The following EMCN variants were observed in gnomAD, a reference collection of about 807,000 sequenced individuals.
EMCN encodes the protein endomucin, also known as MUC-14.
Under a neutral mutation model 38.4 loss-of-function variants are expected in EMCN, and 37 were observed. The ratio of observed to expected loss-of-function variants is 0.96; its 90% CI spans 0.74 to 1.27. The LOEUF (loss-of-function observed/expected upper bound fraction) is 1.27. EMCN is among the 50% of genes most tolerant of loss of function. The probability of loss-of-function intolerance (pLI) is 0.00; values close to 1 mark genes in which losing one functional copy is unlikely to be tolerated. For synonymous variants in EMCN, 95 were observed against 100.8 expected (o/e 0.94, Z 0.35); for missense variants, 318 against 302.8 (o/e 1.05, Z -0.37).
intron 5 of EMCN, among the ~76,000 whole-genome samples, chr4:100,426,335 G>T (rs1271074921): frequency 6.6e-6 from 1 of 152,110 alleles, no homozygotes; most frequent in Non-Finnish European, 1.5e-5. Context: ...GAATATTAAG[G>T]CCGGCTTGTC....
intron 3 of EMCN, among the ~76,000 whole-genome samples, chr4:100,469,105 A>G (rs2110267616): frequency 6.6e-6 from 1 of 152,266 alleles, no homozygotes; most frequent in South Asian, 2.1e-4. Flanking sequence ...TTAATTTTCA[A>G]CAAGGGCACC....
In EMCN at chr4:100,395,827, C is replaced by A. The variant is rs970830669; in HGVS notation, c.*2586G>T. Reference sequence around the variant, plus strand: ...TTCTCTGCTGGCTGAGCCTGTATGTCAGCCAACAACATCCACTTAGTCTCA... The same window carrying A: ...TTCTCTGCTGGCTGAGCCTGTATGTAAGCCAACAACATCCACTTAGTCTCA... On this transcript the variant is annotated 3_prime_UTR_variant, in exon 12 of 12. Transcript: ENST00000296420. 1 of 152,182 alleles carries A rather than the reference C, an allele frequency of 6.6e-6. No individual in the cohort carries two copies. The highest frequency in any genetic ancestry group is 1.5e-5 in the Non-Finnish European group (1 of 68,032). 9.4% of individuals were successfully genotyped at this position (152,182 alleles called of 1,614,324 possible).
rs1375975432 is a variant in EMCN at position 100,395,605 on chromosome 4, A to C, written c.*2808T>G. ...TCACTTTTCCTTTCAACATCATAAA[A>C]TCTTGAATGACCACAAGTAGAGCTC... On this transcript the variant is annotated 3_prime_UTR_variant, in exon 12 of 12. Coordinates refer to ENST00000296420, the MANE Select transcript of EMCN (RefSeq NM_016242.4). The C allele has an allele frequency of 6.6e-6, 1 of 152,188 alleles. No individual in the cohort carries two copies. The highest frequency in any genetic ancestry group is 1.5e-5 in the Non-Finnish European group (1 of 68,016). 9.4% of individuals were successfully genotyped at this position (152,188 alleles called of 1,614,324 possible).
At chr4:100,427,284 A>G (rs2110223602) in intron 5 of EMCN, among the ~76,000 whole-genome samples, 1 of 151,096 alleles carries the variant, frequency 6.6e-6, no homozygotes, top group African/African-American at 2.4e-5. Context: ...ATTTCTTTTT[A>G]TATTGAGAAC....
At chr4:100,457,105 T>C (rs1728038136) in intron 4 of EMCN, among the ~76,000 whole-genome samples, 1 of 152,102 alleles carries the variant, frequency 6.6e-6, no homozygotes, top group African/African-American at 2.4e-5. Flanking sequence ...TTTTCTGATA[T>C]AGATGTATTT....
intron 1 of EMCN, among the ~76,000 whole-genome samples, chr4:100,504,703 CT>C (rs1323263797): frequency 6.6e-6 from 1 of 152,206 alleles, no homozygotes; most frequent in Non-Finnish European, 1.5e-5. Flanking sequence ...GGGAAGACGC[CT>C]TTTGCCAAGC....
rs775627583 is a variant in EMCN at position 100,423,088 on chromosome 4, A to G, written c.509-8T>C. The stretch of plus-strand genomic sequence containing the variant: ...CACCCTCAGTGCCTATTACTTTAAG[A>G]AAGAAAAAAACAAGTCACTTTTGGT... On this transcript the variant is annotated splice_region_variant and splice_polypyrimidine_tract_variant and intron_variant, in intron 6 of 11. Coordinates refer to ENST00000296420, the MANE Select transcript of EMCN (RefSeq NM_016242.4). 2.2e-5 allele frequency: 36 copies of G among 1,612,966 alleles called. No individual in the cohort carries two copies. Among genetic ancestry groups the G allele is most frequent in the Non-Finnish European group, 2.9e-5 (34 of 1,179,300 alleles).
intron 1 of EMCN, 53 bp downstream of exon 1, chr4:100,517,798 A>G (rs1446045169): frequency 1.9e-6 from 3 of 1,544,746 alleles, no homozygotes; most frequent in Non-Finnish European, 2.7e-6. Context: ...AGGCTGAGTC[A>G]CCTACTAGTG....
intron 5 of EMCN, among the ~76,000 whole-genome samples, chr4:100,436,726 C>G (rs765362039): frequency 2.6e-5 from 4 of 152,098 alleles, no homozygotes; most frequent in African/African-American, 4.8e-5. Flanking sequence ...ATGGATGGAG[C>G]TGGAAGCCAT....
intron 8 of EMCN, among the ~76,000 whole-genome samples, chr4:100,417,603 T>C (rs1726771522): frequency 6.6e-6 from 1 of 152,332 alleles, no homozygotes; most frequent in Admixed American, 6.5e-5. Flanking sequence ...ACAATGTAGA[T>C]ACTATATCTA....
chr4:100,509,998 C>A (rs1284883491), intron 1 of EMCN, among the ~76,000 whole-genome samples: 1 of 152,104 alleles, frequency 6.6e-6, no homozygotes, highest in Non-Finnish European at 1.5e-5. Context: ...ATGTATCTTT[C>A]TTCTCATTTT....
chr4:100,398,434 G>A (rs1366276868), intron 11 of EMCN, 61 bp from the exon 12 acceptor site: 1 of 152,250 alleles, frequency 6.6e-6, no homozygotes, highest in Non-Finnish European at 1.5e-5. Flanking sequence ...AGAAAGCGAA[G>A]AAGAAATAGA....
Position 100,447,512 on chromosome 4 carries a change from GAC to G in EMCN, c.415+19_415+20del. The G allele has an allele frequency of 6.4e-7, 1 of 1,566,882 alleles. No individual in the cohort carries two copies. Among genetic ancestry groups the G allele is most frequent in the Non-Finnish European group, 8.8e-7 (1 of 1,139,088 alleles). ...TTACCCATGAAAATACTAAGAGAGA[GAC>G]AGAGAAAAAAGAGCTTACCTGGTAT... On this transcript the variant is annotated intron_variant, in intron 5 of 11. Coordinates refer to ENST00000296420, the MANE Select transcript of EMCN (RefSeq NM_016242.4).
At chr4:100,445,194 G>A (rs1320739239) in intron 5 of EMCN, among the ~76,000 whole-genome samples, 1 of 152,048 alleles carries the variant, frequency 6.6e-6, no homozygotes, top group Non-Finnish European at 1.5e-5. Context: ...TTAGTTTTTT[G>A]TGGGAAGTGG....
At chr4:100,497,487 C>T (rs1358013518) in intron 1 of EMCN, among the ~76,000 whole-genome samples, 2 of 152,246 alleles carry the variant, frequency 1.3e-5, no homozygotes, top group South Asian at 2.1e-4. Flanking sequence ...TGCCATTCTC[C>T]TGCTTCAGCC....
intron 1 of EMCN, among the ~76,000 whole-genome samples, chr4:100,489,004 T>C (rs1197437378): frequency 1.3e-5 from 2 of 152,208 alleles, no homozygotes; most frequent in African/African-American, 2.4e-5. Flanking sequence ...TTATTTACAT[T>C]ATTTGATTCT....
rs377088464 is a variant in EMCN at position 100,405,070 on chromosome 4, C to T, written c.*39+5212G>A. On this transcript the variant is annotated intron_variant, in intron 11 of 11. Transcript: ENST00000296420. Reference sequence around the variant, plus strand: ...GAATTTTGTACATTGATTTTGTATCCCAAAACTTTGCTGAAGTTGTTTATC... The same window carrying T: ...GAATTTTGTACATTGATTTTGTATCTCAAAACTTTGCTGAAGTTGTTTATC... Among the ~76,000 whole-genome samples the T allele has an allele frequency of 3.3e-5, 5 of 152,044 alleles. No individual in the cohort carries two copies. In the East Asian group the frequency reaches 9.7e-4, roughly 29 times the overall value.
intron 11 of EMCN, among the ~76,000 whole-genome samples, chr4:100,407,923 G>A (rs1726441032): frequency 6.6e-6 from 1 of 151,958 alleles, no homozygotes. Context: ...GTTCATTTTT[G>A]AAAATTCTAT....
intron 1 of EMCN, among the ~76,000 whole-genome samples, chr4:100,485,026 G>A (rs753581134): frequency 6.6e-6 from 1 of 152,032 alleles, no homozygotes; most frequent in East Asian, 1.9e-4. Flanking sequence ...CAAAATTTTG[G>A]AAGGAAGGTT....
Sources: allele counts gnomAD v4.1 joint callset (sites outside exome capture counted in the v4.1 genomes callset), GRCh38; gene constraint gnomAD v4.1.1; transcripts MANE v1.5; gene names NCBI Gene and HGNC (gene_info 2026-07-23, HGNC 2026-07-21).